Variants in TMEM50B observed in about 807,000 individuals in gnomAD.
The protein encoded by TMEM50B is HCV p7-trans-regulated protein 3.
TMEM50B carries 14 observed loss-of-function variants against 23.4 expected under a neutral mutation model. The observed-to-expected ratio is 0.60, with a 90% CI of 0.39 to 0.93. The LOEUF (loss-of-function observed/expected upper bound fraction) is 0.93. Ranked by LOEUF, TMEM50B falls within the 40% of genes least tolerant of loss-of-function variation. The probability of loss-of-function intolerance (pLI) is 0.00; values close to 1 mark genes in which losing one functional copy is unlikely to be tolerated. For synonymous variants in TMEM50B, 64 were observed against 62.3 expected (o/e 1.03, Z -0.13); for missense variants, 159 against 193.0 (o/e 0.82, Z 1.04).
intron 7 of TMEM50B, among the ~76,000 whole-genome samples, chr21:33,439,580 A>G (rs530808264): frequency 1.4e-4 from 21 of 151,814 alleles, no homozygotes; most frequent in Admixed American, 1.4e-3. Flanking sequence ...GGGTTTCACT[A>G]TGTTGGTCAG....
chr21:33,472,568 A>G (rs944239042), intron 1 of TMEM50B, among the ~76,000 whole-genome samples: 3 of 151,832 alleles, frequency 2.0e-5, no homozygotes, highest in Non-Finnish European at 2.9e-5. Context: ...ATAAGAAATA[A>G]AAAAATTTTG....
At chr21:33,460,563 G>A (rs2084208414) in intron 4 of TMEM50B, 58 bp from the exon 5 acceptor site, 4 of 1,000,306 alleles carry the variant, frequency 4.0e-6, no homozygotes, top group Non-Finnish European at 6.0e-6. Flanking sequence ...TAACGTCTTA[G>A]GAATACATAA....
intron 5 of TMEM50B, among the ~76,000 whole-genome samples, chr21:33,458,934 AG>A (rs2084193193): frequency 6.6e-6 from 1 of 152,210 alleles, no homozygotes; most frequent in Admixed American, 6.5e-5. Context: ...GAAAGACAAA[AG>A]AAAAACAAAA....
intron 3 of TMEM50B, 78 bp from the exon 4 acceptor site, chr21:33,465,487 G>T: frequency 9.6e-7 from 1 of 1,045,458 alleles, no homozygotes; most frequent in Non-Finnish European, 1.4e-6. Flanking sequence ...ACACTTAGAC[G>T]GAAAACAGAT....
chr21:33,442,633 A>G (rs2084017691), intron 7 of TMEM50B, among the ~76,000 whole-genome samples: 1 of 152,024 alleles, frequency 6.6e-6, no homozygotes, highest in Non-Finnish European at 1.5e-5. Context: ...ACATCAAATG[A>G]TATGTGGCCA....
intron 2 of TMEM50B, among the ~76,000 whole-genome samples, chr21:33,467,622 T>C (rs931904716): frequency 2.0e-5 from 3 of 151,448 alleles, no homozygotes; most frequent in African/African-American, 7.3e-5. Flanking sequence ...AGACTCTGTC[T>C]CAAAAACATT....
At chr21:33,433,219 C>T (rs2083907651) in intron 8 of TMEM50B, among the ~76,000 whole-genome samples, 1 of 152,082 alleles carries the variant, frequency 6.6e-6, no homozygotes, top group Admixed American at 6.6e-5. Flanking sequence ...CATCAGGGCC[C>T]CACTGCCCCT....
At chr21:33,445,038 C>T (rs1446031502), downstream of TMEM50B, among the ~76,000 whole-genome samples, 8 of 147,512 alleles carry the variant, frequency 5.4e-5, no homozygotes, top group East Asian at 2.0e-4. Flanking sequence ...GTGGGAGGAT[C>T]GCTTGAGCCT....
chr21:33,450,864 C>CT lies in TMEM50B; in HGVS notation c.432-2dup. 6.2e-7 allele frequency: 1 copy of CT among 1,612,218 alleles called. No individual in the cohort carries two copies. Among genetic ancestry groups the CT allele is most frequent in the South Asian group, 1.1e-5 (1 of 90,902 alleles). Reference sequence around the variant, plus strand: ...TCTTCCAAATTTGTAGATCAGAGTGCTAGAAAGATAGGAAAACAAATCATG... The same window carrying CT: ...TCTTCCAAATTTGTAGATCAGAGTGCTTAGAAAGATAGGAAAACAAATCATG... On this transcript the variant is annotated splice_acceptor_variant, in intron 6 of 6. Coordinates refer to ENST00000542230, the MANE Select transcript of TMEM50B (RefSeq NM_006134.7). LOFTEE classifies it high-confidence loss of function.
At chr21:33,455,914 T>C (rs1174443079) in intron 5 of TMEM50B, 130 bp from the exon 6 acceptor site, 1 of 753,988 alleles carries the variant, frequency 1.3e-6, no homozygotes, top group African/African-American at 1.7e-5. Flanking sequence ...CTGTAAGACA[T>C]CTATAATGAA....
At chr21:33,443,020 CTG>C (rs1215072651) in intron 7 of TMEM50B, among the ~76,000 whole-genome samples, 3 of 152,018 alleles carry the variant, frequency 2.0e-5, no homozygotes, top group Non-Finnish European at 2.9e-5. Context: ...TGTATAATAA[CTG>C]TAAATATTAA....
intron 1 of TMEM50B, among the ~76,000 whole-genome samples, chr21:33,473,895 G>A (rs1034801053): frequency 3.9e-5 from 6 of 152,102 alleles, no homozygotes; most frequent in African/African-American, 1.4e-4. Context: ...CTACATGAAC[G>A]AACCTCAACA....
intron 7 of TMEM50B, among the ~76,000 whole-genome samples, chr21:33,442,314 T>C (rs1414409250): frequency 6.6e-6 from 1 of 152,114 alleles, no homozygotes; most frequent in Non-Finnish European, 1.5e-5. Context: ...TCTTTCTCCT[T>C]GTTTCCAGTC....
At chr21:33,443,419 C>CTAA (rs745936109) in intron 7 of TMEM50B, among the ~76,000 whole-genome samples, 1 of 151,858 alleles carries the variant, frequency 6.6e-6, no homozygotes. Flanking sequence ...GGCTGTGCAC[C>CTAA]GCACAACCCC....
At chr21:33,476,460 T>C (rs750657600) in intron 1 of TMEM50B, among the ~76,000 whole-genome samples, 1 of 152,134 alleles carries the variant, frequency 6.6e-6, no homozygotes, top group African/African-American at 2.4e-5. Context: ...TTTTAAATTA[T>C]AAAATCTTTT....
intron 1 of TMEM50B, among the ~76,000 whole-genome samples, chr21:33,474,466 C>A (rs895364645): frequency 1.3e-5 from 2 of 150,884 alleles, no homozygotes; most frequent in Non-Finnish European, 3.0e-5. Flanking sequence ...AGGAATGATA[C>A]CCGATGAAAC....
chr21:33,449,925 T>G lies in TMEM50B; in HGVS notation c.*893A>C, dbSNP rs1254493690. The G allele has an allele frequency of 1.3e-5, 2 of 152,656 alleles. No homozygotes were observed. The highest frequency in any genetic ancestry group is 2.9e-5 in the Non-Finnish European group (2 of 68,038). The allele number at this position is 152,656 out of a possible 1,614,324, so 9.5% of individuals were successfully genotyped here. On this transcript the variant is annotated 3_prime_UTR_variant, in exon 7 of 7. Transcript: ENST00000542230. ...AGTAACCATAAAAAACTGAGTTTAT[T>G]TGATCATGTATTATCCCTTCTCACA...
At chr21:33,443,858 G>A (rs576056120) in intron 7 of TMEM50B, among the ~76,000 whole-genome samples, 1 of 96,182 alleles carries the variant, frequency 1.0e-5, no homozygotes, top group East Asian at 2.1e-4. Flanking sequence ...GTTAACTTCT[G>A]GGAATCTGAA....
chr21:33,432,886 ATCTCT>A (rs756156431), intron 8 of TMEM50B: 1 of 1,528,982 alleles, frequency 6.5e-7, no homozygotes, highest in Non-Finnish European at 8.9e-7. Context: ...GTGTGCACAC[ATCTCT>A]TTTTTTTTTT....
Sources: gnomAD v4.1 joint callset for allele counts (sites outside exome capture counted in the v4.1 genomes callset) on GRCh38, gnomAD v4.1.1 for gene constraint, MANE v1.5 for transcripts, NCBI Gene and HGNC (gene_info 2026-07-23, HGNC 2026-07-21) for gene names.